The following APOO variants were observed in gnomAD, a reference collection of about 807,000 sequenced individuals.
APOO encodes apolipoprotein O.
APOO carries 11 observed loss-of-function variants against 23.1 expected under a neutral mutation model. That is an observed-to-expected ratio of 0.48 (90% CI 0.30 to 0.79). The LOEUF (loss-of-function observed/expected upper bound fraction) is 0.79. Ranked by LOEUF, APOO falls within the 30% of genes least tolerant of loss-of-function variation. APOO has a pLI of 0.07. For missense variants in APOO, 160 were observed against 142.7 expected, an observed-to-expected ratio of 1.12 and a Z score of -0.62; for synonymous variants, 59 against 54.8, an observed-to-expected ratio of 1.08 and a Z score of -0.34.
intron 5 of APOO, among the ~76,000 whole-genome samples, chrX:23,863,527 G>A (rs754299103): frequency 8.9e-6 from 1 of 111,916 alleles, no homozygotes; most frequent in Non-Finnish European, 1.9e-5. Context: ...GGCTTTGAAA[G>A]TTTTGATGGC....
chrX:23,846,872 C>T (rs1440227145), intron 7 of APOO, among the ~76,000 whole-genome samples: 1 of 111,346 alleles, frequency 9.0e-6, no homozygotes, highest in Non-Finnish European at 1.9e-5. Context: ...AAATCAACTA[C>T]ATGAAGAACT....
At chrX:23,889,958 G>A (rs778325241) in intron 1 of APOO, among the ~76,000 whole-genome samples, 20 of 111,042 alleles carry the variant, frequency 1.8e-4, no homozygotes, top group East Asian at 1.1e-3. Flanking sequence ...ACCGCGCCTG[G>A]CCCACCTGGG....
At chrX:23,886,978 C>CT (rs1367269620) in intron 1 of APOO, among the ~76,000 whole-genome samples, 1 of 111,108 alleles carries the variant, frequency 9.0e-6, no homozygotes, top group African/African-American at 3.3e-5. Flanking sequence ...CTTCTTCAAT[C>CT]TTTTGTCTCC....
chrX:23,860,288 G>A (rs1411444720), intron 5 of APOO, among the ~76,000 whole-genome samples: 1 of 110,382 alleles, frequency 9.1e-6, no homozygotes, highest in African/African-American at 3.3e-5. Flanking sequence ...CAAGTCCGAT[G>A]CATGGACCAG....
At chrX:23,902,714 T>C (rs1340231498) in intron 1 of APOO, among the ~76,000 whole-genome samples, 1 of 112,040 alleles carries the variant, frequency 8.9e-6, no homozygotes, top group Non-Finnish European at 1.9e-5. Flanking sequence ...CAATGTGTAC[T>C]TAATATGCAC....
intron 4 of APOO, among the ~76,000 whole-genome samples, chrX:23,872,128 C>T (rs1476618479): frequency 9.0e-6 from 1 of 111,562 alleles, no homozygotes; most frequent in African/African-American, 3.3e-5. Flanking sequence ...CAGAGGGACA[C>T]CCAGATGGCT....
At chrX:23,861,249 G>T (rs1379462859) in intron 5 of APOO, among the ~76,000 whole-genome samples, 1 of 110,965 alleles carries the variant, frequency 9.0e-6, no homozygotes, top group Admixed American at 9.7e-5. Flanking sequence ...CCATTCCCTT[G>T]GTGCTGTCCT....
intron 5 of APOO, among the ~76,000 whole-genome samples, chrX:23,864,333 C>T (rs1478369389): frequency 2.8e-5 from 3 of 106,428 alleles, no homozygotes; most frequent in South Asian, 4.1e-4. Context: ...GATGGGGTCT[C>T]GCTCTGTTGC....
At chrX:23,879,361 GGGAGGT>G (rs1353467166) in intron 2 of APOO, among the ~76,000 whole-genome samples, 1 of 111,921 alleles carries the variant, frequency 8.9e-6, no homozygotes, top group East Asian at 2.8e-4. Flanking sequence ...TCTTGAACCT[GGGAGGT>G]GGAGGTAGCA....
At chrX:23,843,213 A>G (rs1239766278) in intron 7 of APOO, among the ~76,000 whole-genome samples, 1 of 111,897 alleles carries the variant, frequency 8.9e-6, no homozygotes, top group Non-Finnish European at 1.9e-5. Context: ...TAAGAAAATG[A>G]GCACACAAAA....
At chrX:23,844,681 G>A (rs1924155656) in intron 7 of APOO, among the ~76,000 whole-genome samples, 2 of 111,777 alleles carry the variant, frequency 1.8e-5, no homozygotes, top group East Asian at 2.8e-4. Flanking sequence ...AGAAAGGAAC[G>A]CAACCCTGCT....
At chrX:23,852,811 T>A (rs1216664875) in intron 7 of APOO, among the ~76,000 whole-genome samples, 1 of 110,715 alleles carries the variant, frequency 9.0e-6, no homozygotes, top group African/African-American at 3.3e-5. Context: ...CTGGCATTTA[T>A]CACATTTTAT....
chrX:23,881,263 T>C (rs1460922394), intron 1 of APOO, among the ~76,000 whole-genome samples: 4 of 109,288 alleles, frequency 3.7e-5, no homozygotes, highest in African/African-American at 1.0e-4. Flanking sequence ...TTAGTAGAGA[T>C]GGGGATTTGC....
chrX:23,855,679 T>C (rs943354994), intron 7 of APOO, among the ~76,000 whole-genome samples: 2 of 111,504 alleles, frequency 1.8e-5, no homozygotes, highest in African/African-American at 3.3e-5. Context: ...CAAGCGAACA[T>C]AGGCAACATT....
At chrX:23,866,643 C>G (rs1471358095) in intron 5 of APOO, among the ~76,000 whole-genome samples, 1 of 110,575 alleles carries the variant, frequency 9.0e-6, no homozygotes, top group Non-Finnish European at 1.9e-5. Context: ...ACAAAAATTA[C>G]CTGGGCATGG....
intron 3 of APOO, among the ~76,000 whole-genome samples, chrX:23,877,938 G>C (rs1309740826): frequency 8.9e-6 from 1 of 111,814 alleles, no homozygotes; most frequent in Non-Finnish European, 1.9e-5. Context: ...GCATTCTATA[G>C]ATTGTAAACG....
intron 1 of APOO, among the ~76,000 whole-genome samples, chrX:23,885,120 C>T (rs1274917032): frequency 9.1e-6 from 1 of 109,882 alleles, no homozygotes; most frequent in Non-Finnish European, 1.9e-5. Context: ...ACAGTAAGGC[C>T]GGGTGCGGTG....
intron 1 of APOO, among the ~76,000 whole-genome samples, chrX:23,895,874 TTA>T (rs1926880663): frequency 9.4e-6 from 1 of 106,380 alleles, no homozygotes; most frequent in Admixed American, 1.0e-4. Flanking sequence ...GGCATTTTTT[TTA>T]AAAAAAAAAA....
At chrX:23,834,908 A>G (rs1305071079) in intron 8 of APOO, among the ~76,000 whole-genome samples, 1 of 108,428 alleles carries the variant, frequency 9.2e-6, no homozygotes, top group Non-Finnish European at 1.9e-5. Context: ...TTTTTGGTAG[A>G]GACAGGGTTT....
Sources: allele counts gnomAD v4.1 joint callset (sites outside exome capture counted in the v4.1 genomes callset), GRCh38; gene constraint gnomAD v4.1.1; transcripts MANE v1.5; gene names NCBI Gene and HGNC (gene_info 2026-07-23, HGNC 2026-07-21).